Variants in KREMEN1 observed in about 807,000 individuals in gnomAD.
The protein encoded by KREMEN1 is kringle containing transmembrane protein 1.
In KREMEN1, 30 loss-of-function variants were observed where a neutral mutation model predicts 46.5. The observed-to-expected ratio is 0.65, with a 90% CI of 0.48 to 0.88. The LOEUF (loss-of-function observed/expected upper bound fraction) is 0.88. KREMEN1 is among the 40% of genes least tolerant of loss of function. The pLI, the probability that KREMEN1 is intolerant of heterozygous loss-of-function variation, is 0.00. For missense variants in KREMEN1, 533 were observed against 596.9 expected (o/e 0.89, Z 1.11); for synonymous variants, 214 against 230.6 (o/e 0.93, Z 0.65).
At chr22:29,084,478 C>T (rs1335399570) in intron 1 of KREMEN1, among the ~76,000 whole-genome samples, 1 of 152,142 alleles carries the variant, frequency 6.6e-6, no homozygotes, top group Admixed American at 6.6e-5. Flanking sequence ...TTCAGGATGA[C>T]TATTCCTGGC....
intron 3 of KREMEN1, among the ~76,000 whole-genome samples, chr22:29,107,479 C>A (rs1037893489): frequency 2.0e-5 from 3 of 152,058 alleles, no homozygotes; most frequent in African/African-American, 7.2e-5. Flanking sequence ...CTCGGCTTCC[C>A]AAAGTGCTGG....
At chr22:29,163,038 C>T (rs114708336) in intron 9 of KREMEN1, among the ~76,000 whole-genome samples, 3,019 of 152,166 alleles carry the variant, frequency 0.02, 111 homozygotes, top group African/African-American at 0.069. Flanking sequence ...GCTCTGTGTC[C>T]TCACACAAAT....
intron 1 of KREMEN1, among the ~76,000 whole-genome samples, chr22:29,091,319 A>C (rs986222613): frequency 2.0e-5 from 3 of 152,078 alleles, no homozygotes; most frequent in African/African-American, 7.2e-5. Context: ...TTGTATTACA[A>C]ACCAAGTCAT....
chr22:29,117,367 A>C (rs1038426752), intron 3 of KREMEN1, among the ~76,000 whole-genome samples: 2 of 152,178 alleles, frequency 1.3e-5, no homozygotes, highest in African/African-American at 4.8e-5. Context: ...GGAGATCGAG[A>C]CCATCCTGGC....
intron 3 of KREMEN1, among the ~76,000 whole-genome samples, chr22:29,103,372 G>A (rs2038003943): frequency 6.6e-6 from 1 of 152,186 alleles, no homozygotes; most frequent in Non-Finnish European, 1.5e-5. Context: ...GGTGTGTTAT[G>A]TGTAGAGCTA....
chr22:29,075,323 G>A (rs1298449536), intron 1 of KREMEN1, among the ~76,000 whole-genome samples: 1 of 152,178 alleles, frequency 6.6e-6, no homozygotes, highest in Non-Finnish European at 1.5e-5. Flanking sequence ...CAGAGCAGCA[G>A]CTCTGATTTG....
intron 1 of KREMEN1, among the ~76,000 whole-genome samples, chr22:29,075,439 CA>C: frequency 6.6e-6 from 1 of 152,092 alleles, no homozygotes; most frequent in East Asian, 1.9e-4. Flanking sequence ...GTTTGCACCC[CA>C]AATTTTGGTG....
intron 3 of KREMEN1, among the ~76,000 whole-genome samples, chr22:29,120,457 AGGGAGACGTGATGATGGAAACAGGGAGG>A: frequency 1.0e-5 from 1 of 95,544 alleles, no homozygotes; most frequent in African/African-American, 4.7e-5. Flanking sequence ...AACAGGGAGG[AGGGAGACGTGATGATGGAAACAGGGAGG>A]AAGGAGAGGT....
At chr22:29,159,811 G>A (rs577749395) in intron 9 of KREMEN1, among the ~76,000 whole-genome samples, 22 of 152,224 alleles carry the variant, frequency 1.4e-4, no homozygotes, top group Admixed American at 4.6e-4. Context: ...GATGAAGTCC[G>A]TGCCCATATA....
chr22:29,112,594 C>A (rs574695992), intron 3 of KREMEN1, among the ~76,000 whole-genome samples: 11 of 152,280 alleles, frequency 7.2e-5, no homozygotes, highest in Non-Finnish European at 1.5e-4. Flanking sequence ...AAATTTTTAT[C>A]TTCAACATCT....
chr22:29,133,610 A>G (rs1424033527), intron 5 of KREMEN1, among the ~76,000 whole-genome samples: 1 of 151,728 alleles, frequency 6.6e-6, no homozygotes, highest in African/African-American at 2.4e-5. Context: ...CTGGTTTTCA[A>G]CATTTAACTA....
Position 29,145,689 on chromosome 22 carries a change from C to A in KREMEN1, c.*3577C>A. The stretch of plus-strand genomic sequence containing the variant: ...AAGCAGAGAATGAGTAGGAGTGAAC[C>A]CGAGTGACTTCACCCGCCCTGTCCC... On this transcript the variant is annotated 3_prime_UTR_variant, in exon 9 of 9. Transcript: ENST00000400335. The A allele has an allele frequency of 1.0e-6, 1 of 985,504 alleles. No homozygotes were observed. Among genetic ancestry groups the A allele is most frequent in the Non-Finnish European group, 1.2e-6 (1 of 829,982 alleles). 61.0% of individuals were successfully genotyped at this position (985,504 alleles called of 1,614,324 possible). A position where few individuals can be genotyped will look rare whatever the true frequency, so the allele number is the denominator to read the frequency against.
chr22:29,135,989 T>A (rs1305796797), intron 5 of KREMEN1, among the ~76,000 whole-genome samples: 1 of 152,104 alleles, frequency 6.6e-6, no homozygotes, highest in East Asian at 1.9e-4. Context: ...TAGCGTGATC[T>A]CGGCTCACTG....
In KREMEN1 at chr22:29,142,067, GGGTCAGA is replaced by G. The variant is rs2038772521; in HGVS notation, c.1334_1340del (p.Gly445ValfsTer10). 1 of 1,612,428 alleles carries G rather than the reference GGGTCAGA, an allele frequency of 6.2e-7. No homozygotes were observed. Among genetic ancestry groups the G allele is most frequent in the Admixed American group, 1.7e-5 (1 of 59,778 alleles). On this transcript the variant is annotated frameshift_variant, in exon 9 of 9. Transcript: ENST00000400335. LOFTEE classifies it high-confidence loss of function. ...TTTCCATCTTTAAGAAGAAACTCAA[GGGTCAGA>G]GTCAACAAGATGACCGCAATCCCCT...
rs751931431 is a variant in KREMEN1, at chr22:29,140,327, C to G, written c.1169C>G (p.Thr390Arg). The G allele has an allele frequency of 6.2e-7, 1 of 1,614,158 alleles. No individual in the cohort carries two copies. Among genetic ancestry groups the G allele is most frequent in the Admixed American group, 1.7e-5 (1 of 60,030 alleles). Residue 390 changes from threonine to arginine, a missense_variant, in exon 8 of 9, where the codon ACA becomes AGA. Thr to Arg is a moderately conservative substitution (Grantham distance 71). Transcript: ENST00000400335. ...GLATLLILTV[T>R]AIVAKILLHV... ...GCAACTCTCCTCATCCTCACAGTCA[C>G]AGCCATTGTAGCAAAGATACTTCTG...
At chr22:29,110,806 T>G (rs2038135233) in intron 3 of KREMEN1, among the ~76,000 whole-genome samples, 1 of 152,194 alleles carries the variant, frequency 6.6e-6, no homozygotes, top group Non-Finnish European at 1.5e-5. Context: ...CTGTCAGATT[T>G]GGAACGGAAG....
rs931637001 is a variant in KREMEN1 at position 29,146,612 on chromosome 22, A to G, written c.*4500A>G. On this transcript the variant is annotated 3_prime_UTR_variant, in exon 9 of 9. Coordinates refer to ENST00000400335, the MANE Select transcript of KREMEN1 (RefSeq NM_001039570.3). ...GGATGACAAGGCTTTATTTGTAAAT[A>G]TGCTCTTAATATGCAACTTTGAGAA... is the stretch of plus-strand genomic sequence containing the variant. The G allele has an allele frequency of 3.0e-6, 3 of 984,578 alleles. No individual in the cohort carries two copies. Among genetic ancestry groups the G allele is most frequent in the Admixed American group, 6.1e-5 (1 of 16,264 alleles). The allele number at this position is 984,578 out of a possible 1,614,324, so 61.0% of individuals were successfully genotyped here. A position where few individuals can be genotyped will look rare whatever the true frequency, so the allele number is the denominator to read the frequency against.
rs1389358456 is a variant in KREMEN1 at position 29,143,569 on chromosome 22, C to T, written c.*1457C>T. On this transcript the variant is annotated 3_prime_UTR_variant, in exon 9 of 9. Transcript: ENST00000400335. ...CATCCTGGCTAAGATGGTGAAACCCCGTCTCTACTAAAAATACAAAAAATT... is the reference window on the plus strand; with the variant it reads ...CATCCTGGCTAAGATGGTGAAACCCTGTCTCTACTAAAAATACAAAAAATT... The T allele has an allele frequency of 8.4e-6, 6 of 718,172 alleles. No individual in the cohort carries two copies. The highest frequency in any genetic ancestry group is 6.3e-5 in the Admixed American group (1 of 15,960). 44.5% of individuals were successfully genotyped at this position (718,172 alleles called of 1,614,324 possible).
intron 8 of KREMEN1, among the ~76,000 whole-genome samples, chr22:29,140,614 T>C (rs758258086): frequency 2.0e-5 from 3 of 152,202 alleles, no homozygotes; most frequent in African/African-American, 4.8e-5. Flanking sequence ...TCAAGGAGGA[T>C]TGCAACATTC....
Sources: gnomAD v4.1 joint callset for allele counts (sites outside exome capture counted in the v4.1 genomes callset) on GRCh38, gnomAD v4.1.1 for gene constraint, MANE v1.5 for transcripts, NCBI Gene and HGNC (gene_info 2026-07-23, HGNC 2026-07-21) for gene names.